Variants in DNAAF4 observed in about 807,000 individuals in gnomAD.
DNAAF4 encodes the protein dynein axonemal assembly factor 4.
Under a neutral mutation model 51.8 loss-of-function variants are expected in DNAAF4, and 43 were observed. That is an observed-to-expected ratio of 0.83 (90% CI 0.65 to 1.07). DNAAF4 has a LOEUF of 1.07. Ranked by LOEUF, DNAAF4 falls within the 50% of genes least tolerant of loss-of-function variation. The pLI is 0.00. For missense variants in DNAAF4, 581 were observed against 493.0 expected (o/e 1.18, Z -1.69); for synonymous variants, 194 against 165.6 (o/e 1.17, Z -1.32).
chr15:55,482,710 T>C (rs2058429238), intron 4 of DNAAF4, among the ~76,000 whole-genome samples: 2 of 151,936 alleles, frequency 1.3e-5, no homozygotes, highest in South Asian at 2.1e-4. Context: ...AAAAAACAGA[T>C]ACTTAAATAC....
chr15:55,465,524 A>G (rs928574033), intron 5 of DNAAF4, among the ~76,000 whole-genome samples: 2 of 151,852 alleles, frequency 1.3e-5, no homozygotes, highest in African/African-American at 4.8e-5. Flanking sequence ...TGCTACATGA[A>G]GTAACTCAGA....
intron 2 of DNAAF4, 58 bp downstream of exon 2, chr15:55,498,149 C>G (rs2058665271): frequency 1.9e-6 from 3 of 1,611,082 alleles, no homozygotes; most frequent in African/African-American, 2.7e-5. Context: ...CAGCTGCGCT[C>G]TTGCAGAAGC....
At chr15:55,418,316 T>C (rs1231379197) in intron 7 of DNAAF4, 3 of 1,545,914 alleles carry the variant, frequency 1.9e-6, no homozygotes, top group African/African-American at 2.7e-5. Context: ...TGTGTTTTCA[T>C]GTATGTTGGA....
At chr15:55,496,220 G>A (rs2058639392) in intron 3 of DNAAF4, among the ~76,000 whole-genome samples, 7 of 152,188 alleles carry the variant, frequency 4.6e-5, no homozygotes, top group Admixed American at 4.6e-4. Flanking sequence ...GACTGAGCGA[G>A]ACTCTGTCTT....
chr15:55,498,152 G>A lies in DNAAF4; in HGVS notation c.123+55C>T, dbSNP rs145449531. On this transcript the variant is annotated intron_variant, in intron 2 of 9. Coordinates refer to ENST00000321149, the MANE Select transcript of DNAAF4 (RefSeq NM_130810.4). ...GTTGCTCGTGCCCAGCTGCGCTCTT[G>A]CAGAAGCTTCGGACCACACCCCCGG... is the stretch of plus-strand genomic sequence containing the variant. 3,864 of 1,611,764 alleles carry A rather than the reference G, an allele frequency of 2.4e-3. 15 individuals are homozygous for A. The highest frequency in any genetic ancestry group is 9.3e-3 in the South Asian group (845 of 90,658).
intron 4 of DNAAF4, among the ~76,000 whole-genome samples, chr15:55,490,771 G>A (rs796784326): frequency 9.9e-5 from 15 of 152,170 alleles, no homozygotes; most frequent in African/African-American, 3.6e-4. Flanking sequence ...GGCTAACACG[G>A]TGAAACCCTG....
chr15:55,455,296 C>A (rs2058001424), intron 5 of DNAAF4, among the ~76,000 whole-genome samples: 3 of 146,404 alleles, frequency 2.0e-5, no homozygotes, highest in Non-Finnish European at 4.5e-5. Context: ...GGTATACAAT[C>A]TAGACAAGAA....
intron 6 of DNAAF4, among the ~76,000 whole-genome samples, chr15:55,445,565 T>G (rs993892399): frequency 2.0e-5 from 3 of 152,186 alleles, no homozygotes; most frequent in Non-Finnish European, 2.9e-5. Context: ...TTCGGAGCTG[T>G]TGGGTACACC....
At chr15:55,436,427 A>G (rs1226631353) in intron 7 of DNAAF4, among the ~76,000 whole-genome samples, 4 of 152,076 alleles carry the variant, frequency 2.6e-5, no homozygotes, top group Non-Finnish European at 5.9e-5. Flanking sequence ...TAAATTGCCC[A>G]GAATGGAGTT....
chr15:55,430,797 T>A lies in DNAAF4; in HGVS notation c.1154-18A>T, dbSNP rs2057480118. ...CTGTAGGCCTGTGTTTATATAGCAATGATGATTAATACAATAAATATTTTA... is the reference window on the plus strand; with the variant it reads ...CTGTAGGCCTGTGTTTATATAGCAAAGATGATTAATACAATAAATATTTTA... On this transcript the variant is annotated intron_variant, in intron 9 of 9. Coordinates refer to ENST00000321149, the MANE Select transcript of DNAAF4 (RefSeq NM_130810.4). 6.5e-7 allele frequency: 1 copy of A among 1,548,398 alleles called. No individual in the cohort carries two copies. The highest frequency in any genetic ancestry group is 1.1e-5 in the South Asian group (1 of 87,646).
At position 55,439,883 on chromosome 15, in the gene DNAAF4, G is replaced by A. The variant is rs539591183; in HGVS notation, c.784-302C>T. Among the ~76,000 whole-genome samples the A allele has an allele frequency of 1.3e-4, 20 of 152,226 alleles. No individual in the cohort carries two copies. In the South Asian group the frequency reaches 3.9e-3, roughly 30 times the overall value. On this transcript the variant is annotated intron_variant, in intron 6 of 9. Coordinates refer to ENST00000321149, the MANE Select transcript of DNAAF4 (RefSeq NM_130810.4). ...CAGAGCTCCCCCATGTGGACACAGT[G>A]AGAAAGTGGGTGTCCGCAAGTTATG... is the stretch of plus-strand genomic sequence containing the variant.
chr15:55,421,758 G>T (rs948269166), intron 7 of DNAAF4, among the ~76,000 whole-genome samples: 7 of 151,796 alleles, frequency 4.6e-5, no homozygotes, highest in African/African-American at 1.7e-4. Flanking sequence ...GCATGGTGGC[G>T]CATGCCTGTA....
At chr15:55,470,039 C>G (rs7182524) in intron 4 of DNAAF4, among the ~76,000 whole-genome samples, 1 of 151,328 alleles carries the variant, frequency 6.6e-6, no homozygotes, top group East Asian at 1.9e-4. Flanking sequence ...ATAAATACCT[C>G]GCTTATATTT....
intron 6 of DNAAF4, among the ~76,000 whole-genome samples, chr15:55,445,412 C>A (rs2057782921): frequency 6.6e-6 from 1 of 152,180 alleles, no homozygotes. Context: ...TAGTACAGAA[C>A]AAAATGGAGT....
intron 5 of DNAAF4, among the ~76,000 whole-genome samples, chr15:55,455,866 T>A (rs879460421): frequency 2.6e-5 from 4 of 151,506 alleles, no homozygotes; most frequent in Non-Finnish European, 5.9e-5. Flanking sequence ...TCATAGTTAT[T>A]TTTTTTTTCT....
chr15:55,461,262 G>T (rs1039938236), intron 5 of DNAAF4, among the ~76,000 whole-genome samples: 1 of 151,632 alleles, frequency 6.6e-6, no homozygotes, highest in Non-Finnish European at 1.5e-5. Flanking sequence ...TAGAGATGGG[G>T]TTTCACCGTG....
At chr15:55,465,393 TACAC>T (rs61176405) in intron 5 of DNAAF4, among the ~76,000 whole-genome samples, 1,499 of 149,784 alleles carry the variant, frequency 0.01, 22 homozygotes, top group African/African-American at 0.032. Flanking sequence ...GGTGTATATA[TACAC>T]ACACACACAC....
At position 55,505,073 on chromosome 15, in the gene DNAAF4, A is replaced by G. The variant is rs1156371344; in HGVS notation, c.-256+3049T>C. On this transcript the variant is annotated intron_variant, in intron 1 of 9. Transcript: ENST00000321149. Reference sequence around the variant, plus strand: ...CTACAAAGAACTTAAACAAATTTACAAGAAAAAAACAACCCCATCAAAAAG... The same window carrying G: ...CTACAAAGAACTTAAACAAATTTACGAGAAAAAAACAACCCCATCAAAAAG... Among the ~76,000 whole-genome samples the G allele has an allele frequency of 2.0e-5, 3 of 152,182 alleles. No individual in the cohort carries two copies. In the East Asian group the frequency reaches 5.8e-4, roughly 29 times the overall value.
chr15:55,434,788 A>T (rs1353345322), intron 8 of DNAAF4, 117 bp downstream of exon 8: 1 of 941,996 alleles, frequency 1.1e-6, no homozygotes, highest in African/African-American at 1.7e-5. Flanking sequence ...TAAGAAAGAC[A>T]ATCTTTAAAA....
Sources: allele counts gnomAD v4.1 joint callset (sites outside exome capture counted in the v4.1 genomes callset), GRCh38; gene constraint gnomAD v4.1.1; transcripts MANE v1.5; gene names NCBI Gene and HGNC (gene_info 2026-07-23, HGNC 2026-07-21).